TBC1D31: variants seen among roughly 807,000 people sequenced by gnomAD.
The protein encoded by TBC1D31 is WD repeat domain 67.
In TBC1D31, 99 loss-of-function variants were observed where a neutral mutation model predicts 132.9. The ratio of observed to expected loss-of-function variants is 0.74; its 90% CI spans 0.63 to 0.88. TBC1D31 has a LOEUF of 0.88. Among genes scored for constraint, TBC1D31 ranks in the 40% least tolerant of loss-of-function variants. TBC1D31 has a pLI of 0.00. For synonymous variants in TBC1D31, 385 were observed against 419.4 expected (o/e 0.92, Z 1.00); for missense variants, 1,134 against 1,256.6 (o/e 0.90, Z 1.48).
At chr8:123,154,564 C>T (rs562428804), downstream of TBC1D31, among the ~76,000 whole-genome samples, 8 of 152,268 alleles carry the variant, frequency 5.3e-5, no homozygotes, top group African/African-American at 1.7e-4. Context: ...CATAAGGACC[C>T]CGCTTGTCAG....
At chr8:123,076,304 T>C (rs997146261) in intron 1 of TBC1D31, among the ~76,000 whole-genome samples, 4 of 150,226 alleles carry the variant, frequency 2.7e-5, no homozygotes, top group African/African-American at 9.9e-5. Context: ...TTGGTTTTGA[T>C]TTTTCTTCTT....
chr8:123,128,198 C>CT, intron 13 of TBC1D31, 83 bp from the exon 14 acceptor site: 1 of 708,916 alleles, frequency 1.4e-6, no homozygotes, highest in Non-Finnish European at 2.4e-6. Flanking sequence ...GATAGATACA[C>CT]TTTTTTTAAA....
chr8:123,095,655 G>A (rs887716871), intron 5 of TBC1D31, among the ~76,000 whole-genome samples: 20 of 151,932 alleles, frequency 1.3e-4, no homozygotes, highest in Admixed American at 1.3e-4. Context: ...TCCTCTTTTC[G>A]CTGACTTTGG....
intron 4 of TBC1D31, among the ~76,000 whole-genome samples, chr8:123,087,017 T>C (rs998476483): frequency 2.0e-5 from 3 of 152,220 alleles, no homozygotes; most frequent in Admixed American, 2.0e-4. Context: ...ATGCCCAGCC[T>C]GGGCACCTGT....
intron 17 of TBC1D31, among the ~76,000 whole-genome samples, chr8:123,138,757 C>A (rs1417252327): frequency 2.6e-5 from 4 of 152,042 alleles, no homozygotes; most frequent in African/African-American, 9.7e-5. Context: ...TTTGTATTTT[C>A]TTTGGAGATA....
chr8:123,114,067 C>T (rs2130609389), intron 10 of TBC1D31, among the ~76,000 whole-genome samples: 1 of 152,136 alleles, frequency 6.6e-6, no homozygotes, highest in East Asian at 1.9e-4. Context: ...ATCATCCCTC[C>T]CCCACTTTTT....
At chr8:123,080,529 CTTTTTTTTTTTTTT>C (rs57694076) in intron 2 of TBC1D31, among the ~76,000 whole-genome samples, 208 of 76,344 alleles carry the variant, frequency 2.7e-3, no homozygotes, top group African/African-American at 0.011. Context: ...TTCTTTTATT[CTTTTTTTTTTTTTT>C]TTTTTTTTTT....
chr8:123,147,452 G>A (rs545020541), intron 20 of TBC1D31, among the ~76,000 whole-genome samples: 22 of 152,282 alleles, frequency 1.4e-4, no homozygotes, highest in South Asian at 8.3e-4. Flanking sequence ...GATTACAGGC[G>A]TGATCCACCG....
chr8:123,162,617 C>T, the TBC1D31 span, among the ~76,000 whole-genome samples: 1 of 152,138 alleles, frequency 6.6e-6, no homozygotes, highest in African/African-American at 2.4e-5. Flanking sequence ...AGAAACATTC[C>T]AGTGCCACCG....
At chr8:123,150,975 C>T (rs1030157975) in intron 21 of TBC1D31, among the ~76,000 whole-genome samples, 2 of 152,118 alleles carry the variant, frequency 1.3e-5, no homozygotes, top group African/African-American at 4.8e-5. Context: ...ATGCCTAATA[C>T]CAAGTCATGA....
chr8:123,134,060 A>G, intron 16 of TBC1D31, 54 bp from the exon 17 acceptor site: 1 of 1,387,454 alleles, frequency 7.2e-7, no homozygotes, highest in Non-Finnish European at 1.0e-6. Flanking sequence ...TAAATATATT[A>G]AAAATTATTT....
chr8:123,144,790 G>A lies in TBC1D31; in HGVS notation c.2909G>A (p.Arg970Lys). Residue 970 changes from arginine to lysine, a missense_variant, in exon 20 of 22, where the codon AGA becomes AAA. By Grantham distance (26) the Arg-to-Lys change is conservative. Transcript: ENST00000287380. ...GCTTCTGCTCTTTCAGATGCGTCTA[G>A]AAAGTGGTTTTTAAAGCAAGAGATA... Reference protein sequence around the residue: ...KKASALSDASRKWFLKQEINA... With the variant: ...KKASALSDASKKWFLKQEINA... 2 of 1,613,918 alleles carry A rather than the reference G, an allele frequency of 1.2e-6. No individual in the cohort carries two copies. The highest frequency in any genetic ancestry group is 4.5e-5 in the East Asian group (2 of 44,878).
chr8:123,130,163 T>C, intron 15 of TBC1D31, 35 bp from the exon 16 acceptor site: 1 of 1,586,128 alleles, frequency 6.3e-7, no homozygotes, highest in Non-Finnish European at 8.6e-7. Context: ...TAGGAATTGC[T>C]GTATTTGTTC....
chr8:123,138,707 C>T (rs2130881040), intron 17 of TBC1D31, among the ~76,000 whole-genome samples: 1 of 152,300 alleles, frequency 6.6e-6, no homozygotes, highest in Middle Eastern at 3.4e-3. Flanking sequence ...GCTTCTTTCA[C>T]TTAGCATGTT....
chr8:123,163,491 AGTAGCTGGGACCACATGGGCGT>A, the TBC1D31 span, among the ~76,000 whole-genome samples: 1 of 149,660 alleles, frequency 6.7e-6, no homozygotes, highest in African/African-American at 2.5e-5. Context: ...CAGCCTCCCA[AGTAGCTGGGACCACATGGGCGT>A]GCCACCACAC....
chr8:123,138,026 G>A (rs577695516), intron 17 of TBC1D31, among the ~76,000 whole-genome samples: 45 of 152,182 alleles, frequency 3.0e-4, no homozygotes, highest in East Asian at 1.2e-3. Context: ...GTATGCACAC[G>A]TCGTCCAATA....
the TBC1D31 span, among the ~76,000 whole-genome samples, chr8:123,163,686 A>T: frequency 6.6e-6 from 1 of 151,952 alleles, no homozygotes; most frequent in African/African-American, 2.4e-5. Context: ...ATTTTTAAAA[A>T]TTTTTTATTT....
At chr8:123,080,954 G>T (rs1039899930) in intron 2 of TBC1D31, among the ~76,000 whole-genome samples, 1 of 152,182 alleles carries the variant, frequency 6.6e-6, no homozygotes, top group African/African-American at 2.4e-5. Context: ...ATTTGTGGCT[G>T]AGCAGTTAGC....
rs550790103 is a variant in TBC1D31, at chr8:123,126,816, A to G, written c.1884+129A>G. The stretch of plus-strand genomic sequence containing the variant: ...GAGTGCAATGGCGCGATCTCAGCTC[A>G]CTGCAACCTCCGCCTCCCAAGTTCA... On this transcript the variant is annotated intron_variant, in intron 13 of 21. Coordinates refer to ENST00000287380, the MANE Select transcript of TBC1D31 (RefSeq NM_145647.4). 6.7e-6 allele frequency: 5 copies of G among 746,750 alleles called. No individual in the cohort carries two copies. In the East Asian group the frequency reaches 1.2e-4, roughly 18 times the overall value. The allele number at this position is 746,750 out of a possible 1,614,324, so 46.3% of individuals were successfully genotyped here. A position where few individuals can be genotyped will look rare whatever the true frequency, so the allele number is the denominator to read the frequency against.
Sources: gnomAD v4.1 joint callset for allele counts (sites outside exome capture counted in the v4.1 genomes callset) on GRCh38, gnomAD v4.1.1 for gene constraint, MANE v1.5 for transcripts, NCBI Gene and HGNC (gene_info 2026-07-23, HGNC 2026-07-21) for gene names.